ARHGEF12: variants seen among roughly 807,000 people sequenced by gnomAD.
ARHGEF12 encodes the protein Rho guanine nucleotide exchange factor 12, also known as KMT2A/ARHGEF12 fusion protein.
A neutral mutation model predicts 211.2 loss-of-function variants in ARHGEF12; 66 were observed. That is an observed-to-expected ratio of 0.31 (90% CI 0.26 to 0.38). The LOEUF (loss-of-function observed/expected upper bound fraction) is 0.38, where lower values mean the gene tolerates loss of function less well. ARHGEF12 is among the 10% of genes least tolerant of loss of function. The probability of loss-of-function intolerance (pLI) is 1.00; values close to 1 mark genes in which losing one functional copy is unlikely to be tolerated. For synonymous variants in ARHGEF12, 592 were observed against 638.4 expected, an observed-to-expected ratio of 0.93 and a Z score of 1.09; for missense variants, 1,429 against 1,869.5, an observed-to-expected ratio of 0.76 and a Z score of 4.34.
rs923076631 is a variant in ARHGEF12, at chr11:120,486,510, A to T, written c.*1433A>T. ...GTAAGTTTCAGAATTGTAATTTGAG[A>T]ACTCCTTCAATTATATTGACTTTCT... On this transcript the variant is annotated 3_prime_UTR_variant, in exon 41 of 41. Coordinates refer to ENST00000397843, the MANE Select transcript of ARHGEF12 (RefSeq NM_015313.3). 1 of 229,714 alleles carries T rather than the reference A, an allele frequency of 4.4e-6. No homozygotes were observed. The highest frequency in any genetic ancestry group is 2.2e-5 in the African/African-American group (1 of 45,166). 14.2% of individuals were successfully genotyped at this position (229,714 alleles called of 1,614,324 possible).
chr11:120,406,220 A>T, intron 2 of ARHGEF12, 79 bp downstream of exon 2: 3 of 1,060,168 alleles, frequency 2.8e-6, no homozygotes, highest in African/African-American at 3.3e-5. Flanking sequence ...ATTATGGTGG[A>T]TTTTTGTGGT....
At chr11:120,380,119 CT>C (rs1161169312) in intron 1 of ARHGEF12, among the ~76,000 whole-genome samples, 1 of 152,198 alleles carries the variant, frequency 6.6e-6, no homozygotes, top group African/African-American at 2.4e-5. Flanking sequence ...TCACTGCCCC[CT>C]GAGAGTACCC....
At chr11:120,447,839 A>G (rs755753883) in intron 18 of ARHGEF12, 35 bp from the exon 19 acceptor site, 1 of 1,419,788 alleles carries the variant, frequency 7.0e-7, no homozygotes, top group Non-Finnish European at 9.6e-7. Flanking sequence ...AAACTTCCAT[A>G]TTTCATTTTT....
At chr11:120,384,517 A>G (rs1196199730) in intron 1 of ARHGEF12, among the ~76,000 whole-genome samples, 1 of 152,218 alleles carries the variant, frequency 6.6e-6, no homozygotes, top group African/African-American at 2.4e-5. Flanking sequence ...TGCATTTTTT[A>G]GAGCAGTGTT....
At chr11:120,406,010 A>G (rs546956689) in intron 1 of ARHGEF12, 108 bp from the exon 2 acceptor site, 50 of 805,472 alleles carry the variant, frequency 6.2e-5, no homozygotes, top group South Asian at 5.1e-4. Flanking sequence ...TTGGAAAGTT[A>G]CCATAAGATT....
At chr11:120,388,885 A>G (rs562538224) in intron 1 of ARHGEF12, among the ~76,000 whole-genome samples, 1 of 151,864 alleles carries the variant, frequency 6.6e-6, no homozygotes, top group East Asian at 1.9e-4. Context: ...ATTTTGCGAC[A>G]GAGTTTTGCT....
At chr11:120,377,509 A>AT (rs1211228024) in intron 1 of ARHGEF12, among the ~76,000 whole-genome samples, 43 of 151,850 alleles carry the variant, frequency 2.8e-4, no homozygotes, top group African/African-American at 9.9e-4. Context: ...CACCTAGCTA[A>AT]TTTTTTAGTA....
intron 1 of ARHGEF12, among the ~76,000 whole-genome samples, chr11:120,394,244 G>A (rs111770840): frequency 0.015 from 2,223 of 151,340 alleles, 52 homozygotes; most frequent in African/African-American, 0.05. Context: ...TTTTAAGACA[G>A]GGTCTTACTC....
chr11:120,362,418 A>G (rs571397438), intron 1 of ARHGEF12, among the ~76,000 whole-genome samples: 1 of 152,196 alleles, frequency 6.6e-6, no homozygotes, highest in Non-Finnish European at 1.5e-5. Context: ...TCTCATGGCT[A>G]TTTTGTAGTG....
chr11:120,428,789 A>G (rs187698115), intron 8 of ARHGEF12, among the ~76,000 whole-genome samples: 48 of 152,316 alleles, frequency 3.2e-4, no homozygotes, highest in African/African-American at 1.0e-3. Context: ...AAAGCATCAA[A>G]TATTGTGGAG....
chr11:120,425,212 AGGT>A (rs1331618833), intron 7 of ARHGEF12, among the ~76,000 whole-genome samples: 1 of 152,160 alleles, frequency 6.6e-6, no homozygotes, highest in African/African-American at 2.4e-5. Flanking sequence ...CTTTGCTAGC[AGGT>A]GGTGATGGGG....
rs560355600 is a variant in ARHGEF12, at chr11:120,477,064, T to G, written c.3366-155T>G. 4.3e-4 allele frequency: 283 copies of G among 665,596 alleles called. 2 individuals are homozygous for G. Among genetic ancestry groups the G allele is most frequent in the South Asian group, 2.2e-3 (110 of 49,526 alleles). 41.2% of individuals were successfully genotyped at this position (665,596 alleles called of 1,614,324 possible). A position where few individuals can be genotyped will look rare whatever the true frequency, so the allele number is the denominator to read the frequency against. On this transcript the variant is annotated intron_variant, in intron 34 of 40. Transcript: ENST00000397843. ...TAGTGTGTTGCCAAAATAAAGATAT[T>G]CTCTGGCAGAGTGGGTTTTGTTGTT... is the stretch of plus-strand genomic sequence containing the variant.
chr11:120,460,245 G>T (rs762579921), intron 26 of ARHGEF12, among the ~76,000 whole-genome samples: 2 of 151,960 alleles, frequency 1.3e-5, no homozygotes, highest in Non-Finnish European at 2.9e-5. Flanking sequence ...TTATTCCTTT[G>T]TGGATAATCT....
chr11:120,347,174 TCC>T (rs1491253578), intron 1 of ARHGEF12, among the ~76,000 whole-genome samples: 1,760 of 90,074 alleles, frequency 0.02, 35 homozygotes, highest in Non-Finnish European at 0.023. Context: ...CTTCCTTCCT[TCC>T]TTCCTTCCTT....
At position 120,488,563 on chromosome 11, in the gene ARHGEF12, G is replaced by C. The variant is rs552898400; in HGVS notation, c.*3486G>C. On this transcript the variant is annotated 3_prime_UTR_variant, in exon 41 of 41. Coordinates refer to ENST00000397843, the MANE Select transcript of ARHGEF12 (RefSeq NM_015313.3). ...TTATGCCTTCCCCACTGGTATTGAG[G>C]GTTTTGATAATAAATTGGTAGGAAA... is the stretch of plus-strand genomic sequence containing the variant. 3.7e-5 allele frequency: 8 copies of C among 219,108 alleles called. No homozygotes were observed. The highest frequency in any genetic ancestry group is 1.6e-4 in the African/African-American group (7 of 44,560). The allele number at this position is 219,108 out of a possible 1,614,324, so 13.6% of individuals were successfully genotyped here.
intron 1 of ARHGEF12, among the ~76,000 whole-genome samples, chr11:120,383,096 A>G (rs1485742585): frequency 3.3e-5 from 5 of 152,100 alleles, no homozygotes; most frequent in African/African-American, 4.8e-5. Flanking sequence ...CGGAGATCGC[A>G]CCACTGCACT....
At chr11:120,402,000 T>G (rs1944558944) in intron 1 of ARHGEF12, among the ~76,000 whole-genome samples, 1 of 152,228 alleles carries the variant, frequency 6.6e-6, no homozygotes, top group African/African-American at 2.4e-5. Flanking sequence ...AGGCAATGCT[T>G]CTTATTTTCT....
In ARHGEF12 at chr11:120,480,408, G is replaced by A; in HGVS notation, c.4215G>A (p.Lys1405=). The change falls in exon 38 of 41, where the codon AAG becomes AAA. Residue 1405 remains lysine (K), a synonymous_variant. Transcript: ENST00000397843. ...EGDGAVNKEE[K]DVNLRISGNY... is the part of the protein sequence containing the mutation. Reference sequence around the variant, plus strand: ...ATGGAGCAGTTAACAAGGAAGAGAAGGATGTTAATTTACGCATCTCAGGCA... The same window carrying A: ...ATGGAGCAGTTAACAAGGAAGAGAAAGATGTTAATTTACGCATCTCAGGCA... 6.2e-7 allele frequency: 1 copy of A among 1,609,480 alleles called. No individual in the cohort carries two copies.
rs776862543 is a variant in ARHGEF12 at position 120,481,290 on chromosome 11, C to G, written c.4268C>G (p.Pro1423Arg). The G allele has an allele frequency of 1.2e-6, 2 of 1,614,168 alleles. No homozygotes were observed. Among genetic ancestry groups the G allele is most frequent in the Non-Finnish European group, 1.7e-6 (2 of 1,180,026 alleles). The change falls in exon 39 of 41, where the codon CCA becomes CGA. Residue 1423 changes from proline (P) to arginine (R), a missense_variant. By Grantham distance (103) the Pro-to-Arg change is moderately radical. Transcript: ENST00000397843. ...TATTTGATCCTTGATGGCTATGACCCAGTGCAGGAGAGTTCCACAGATGAG... is the reference window on the plus strand; with the variant it reads ...TATTTGATCCTTGATGGCTATGACCGAGTGCAGGAGAGTTCCACAGATGAG... ...GNYLILDGYD[P>R]VQESSTDEEV...
Sources: gnomAD v4.1 joint callset for allele counts (sites outside exome capture counted in the v4.1 genomes callset) on GRCh38, gnomAD v4.1.1 for gene constraint, MANE v1.5 for transcripts, NCBI Gene and HGNC (gene_info 2026-07-23, HGNC 2026-07-21) for gene names.